The following TBC1D14 variants were observed in gnomAD, a reference collection of about 807,000 sequenced individuals.
The protein encoded by TBC1D14 is TBC1 domain family member 14, also known as TBC1 domain family, member 14.
TBC1D14 carries 26 observed loss-of-function variants against 79.0 expected under a neutral mutation model. The observed-to-expected ratio is 0.33, with a 90% CI of 0.24 to 0.46. The LOEUF (loss-of-function observed/expected upper bound fraction) is 0.46. TBC1D14 is among the 20% of genes least tolerant of loss of function. The pLI, the probability that TBC1D14 is intolerant of heterozygous loss-of-function variation, is 1.00. For synonymous variants in TBC1D14, 394 were observed against 349.9 expected (o/e 1.13, Z -1.40); for missense variants, 769 against 887.6 (o/e 0.87, Z 1.70).
intron 11 of TBC1D14, among the ~76,000 whole-genome samples, chr4:7,013,718 C>T (rs1417562988): frequency 6.7e-6 from 1 of 148,760 alleles, no homozygotes; most frequent in Admixed American, 6.7e-5. Flanking sequence ...AGGGGTTGGA[C>T]GAGGCATGCC....
At chr4:6,925,503 T>G (rs1414226346) in intron 2 of TBC1D14, among the ~76,000 whole-genome samples, 1 of 152,140 alleles carries the variant, frequency 6.6e-6, no homozygotes, top group African/African-American at 2.4e-5. Context: ...ACATTACCAC[T>G]GCCTTAGTTG....
chr4:6,980,561 T>G (rs1160838683), intron 3 of TBC1D14, among the ~76,000 whole-genome samples: 1 of 151,858 alleles, frequency 6.6e-6, no homozygotes, highest in Non-Finnish European at 1.5e-5. Context: ...AAAACAAAAA[T>G]GATAGACCGA....
intron 6 of TBC1D14, among the ~76,000 whole-genome samples, chr4:7,000,372 G>A (rs1158750915): frequency 1.3e-5 from 2 of 152,202 alleles, no homozygotes; most frequent in African/African-American, 4.8e-5. Context: ...CCTCACAGTG[G>A]CCCTTGGGTG....
intron 12 of TBC1D14, among the ~76,000 whole-genome samples, chr4:7,019,720 C>G (rs1296781057): frequency 6.6e-6 from 1 of 151,732 alleles, no homozygotes; most frequent in Non-Finnish European, 1.5e-5. Flanking sequence ...AGGGAGGACT[C>G]TGGGGCACAG....
intron 2 of TBC1D14, among the ~76,000 whole-genome samples, chr4:6,949,230 G>A (rs1175304025): frequency 6.6e-6 from 1 of 151,854 alleles, no homozygotes; most frequent in Non-Finnish European, 1.5e-5. Context: ...TTGGGAGGGA[G>A]CCCTTCTATT....
intron 2 of TBC1D14, among the ~76,000 whole-genome samples, chr4:6,955,705 A>G (rs1714568186): frequency 6.6e-6 from 1 of 152,156 alleles, no homozygotes. Context: ...TGGTATCTTG[A>G]GGGAGGGGAC....
intron 2 of TBC1D14, among the ~76,000 whole-genome samples, chr4:6,962,408 T>C (rs1306252515): frequency 2.6e-5 from 4 of 151,948 alleles, no homozygotes; most frequent in Non-Finnish European, 5.9e-5. Context: ...GATGGTGGGG[T>C]TGCGGCAGCT....
chr4:6,968,797 G>T (rs10937775), intron 3 of TBC1D14, among the ~76,000 whole-genome samples: 146,532 of 152,192 alleles, frequency 0.96, 70,747 homozygotes, highest in East Asian at 1. Flanking sequence ...AGTGTTTTAC[G>T]TAGGTAAGGA....
intron 2 of TBC1D14, among the ~76,000 whole-genome samples, chr4:6,958,684 C>T (rs1302521129): frequency 6.6e-6 from 1 of 152,222 alleles, no homozygotes; most frequent in African/African-American, 2.4e-5. Flanking sequence ...ATCCACCCAC[C>T]TTGGCCTACC....
chr4:7,015,850 G>A (rs1290186142), intron 12 of TBC1D14, among the ~76,000 whole-genome samples: 3 of 152,194 alleles, frequency 2.0e-5, no homozygotes, highest in East Asian at 1.9e-4. Flanking sequence ...TAGGGTGACC[G>A]TGCGGCACCA....
intron 2 of TBC1D14, among the ~76,000 whole-genome samples, chr4:6,925,382 C>CGT (rs1424743183): frequency 1.3e-5 from 2 of 152,114 alleles, no homozygotes; most frequent in South Asian, 4.1e-4. Context: ...CTGGCTGCCC[C>CGT]GTGTGTGTGT....
chr4:6,975,384 A>G (rs114456407), intron 3 of TBC1D14, among the ~76,000 whole-genome samples: 6,922 of 151,520 alleles, frequency 0.046, 178 homozygotes, highest in African/African-American at 0.049. Flanking sequence ...AATTTTGTAT[A>G]TTTTTTGTAG....
intron 2 of TBC1D14, among the ~76,000 whole-genome samples, chr4:6,946,073 C>T (rs866620430): frequency 3.3e-5 from 5 of 152,048 alleles, no homozygotes; most frequent in Admixed American, 3.3e-4. Flanking sequence ...GGCACTTTAT[C>T]GCACGATCTG....
chr4:6,956,191 G>C (rs1714617814), intron 2 of TBC1D14, among the ~76,000 whole-genome samples: 1 of 152,140 alleles, frequency 6.6e-6, no homozygotes, highest in Non-Finnish European at 1.5e-5. Flanking sequence ...TCCCCAAACT[G>C]TGTAAGCTCC....
intron 2 of TBC1D14, among the ~76,000 whole-genome samples, chr4:6,940,232 G>GA (rs1281713075): frequency 1.3e-5 from 2 of 152,244 alleles, no homozygotes; most frequent in African/African-American, 4.8e-5. Flanking sequence ...TGTGGCTTGT[G>GA]GCCACCCCGT....
chr4:7,011,408 C>G (rs959932223), intron 11 of TBC1D14, among the ~76,000 whole-genome samples: 44 of 152,138 alleles, frequency 2.9e-4, no homozygotes, highest in African/African-American at 1.0e-3. Context: ...AGATAAGGCT[C>G]AAAGTGAAGG....
rs1337529905 is a variant in TBC1D14 at position 7,025,080 on chromosome 4, G to C, written c.1834G>C (p.Glu612Gln). 1 of 1,614,190 alleles carries C rather than the reference G, an allele frequency of 6.2e-7. No homozygotes were observed. The highest frequency in any genetic ancestry group is 8.5e-7 in the Non-Finnish European group (1 of 1,180,034). ...CTGGGACGTGTTCTGTCGCGATGGG[G>C]AAGAGTTCCTGTTCCGCACGGCCCT... is the stretch of plus-strand genomic sequence containing the variant. The part of the protein sequence containing the change: ...RIWDVFCRDG[E>Q]EFLFRTALGI... The change falls in exon 13 of 14, where the codon GAA becomes CAA. Residue 612 changes from glutamate to glutamine, a missense_variant. By Grantham distance (29) the Glu-to-Gln change is conservative (BLOSUM62 2). Around this residue, in one of 2 missense-constraint regions of TBC1D14, gnomAD observed 367 missense variants for 494.4 expected, o/e 0.74. Transcript: ENST00000409757.
At chr4:7,002,911 C>T (rs1168991086) in intron 7 of TBC1D14, among the ~76,000 whole-genome samples, 1 of 152,110 alleles carries the variant, frequency 6.6e-6, no homozygotes, top group Non-Finnish European at 1.5e-5. Context: ...AGAGAAGGCT[C>T]AGCATCCTGG....
At chr4:6,998,603 A>C (rs539227423) in intron 5 of TBC1D14, among the ~76,000 whole-genome samples, 8 of 151,030 alleles carry the variant, frequency 5.3e-5, no homozygotes, top group Admixed American at 4.6e-4. Flanking sequence ...CAGTGGTGCT[A>C]TCTCGGCTCA....
Sources: allele counts gnomAD v4.1 joint callset (sites outside exome capture counted in the v4.1 genomes callset), GRCh38; gene constraint gnomAD v4.1.1; regional missense constraint gnomAD v4.1.1; transcripts MANE v1.5; gene names NCBI Gene and HGNC (gene_info 2026-07-23, HGNC 2026-07-21).